CTNNA1: variants seen among roughly 807,000 people sequenced by gnomAD.
CTNNA1 encodes catenin alpha-1.
In CTNNA1, 37 loss-of-function variants were observed where a neutral mutation model predicts 98.4. That is an observed-to-expected ratio of 0.38 (90% confidence interval 0.29 to 0.49). The LOEUF is 0.49. Among genes scored for constraint, CTNNA1 ranks in the 20% least tolerant of loss-of-function variants. The pLI is 0.95. For synonymous variants in CTNNA1, 404 were observed against 413.2 expected (o/e 0.98, Z 0.27); for missense variants, 761 against 1,147.2 (o/e 0.66, Z 4.86).
chr5:138,900,011 T>G (rs77833914), intron 9 of CTNNA1, among the ~76,000 whole-genome samples: 2,475 of 152,282 alleles, frequency 0.016, 74 homozygotes, highest in African/African-American at 0.056. Context: ...CACCAACACC[T>G]TTCCCTGGAA....
chr5:138,932,200 T>A (rs533308438), intron 16 of CTNNA1: 17 of 1,023,790 alleles, frequency 1.7e-5, no homozygotes, highest in Non-Finnish European at 1.9e-5. Flanking sequence ...GGCTCCTGCT[T>A]GCTGAGCCGG....
At chr5:138,837,394 A>G (rs937675032) in intron 7 of CTNNA1, among the ~76,000 whole-genome samples, 4 of 151,154 alleles carry the variant, frequency 2.6e-5, no homozygotes, top group African/African-American at 9.7e-5. Context: ...ACACAGCCAT[A>G]CTCATTTAGT....
At chr5:138,762,339 G>T (rs556106111) in intron 1 of CTNNA1, among the ~76,000 whole-genome samples, 2 of 152,254 alleles carry the variant, frequency 1.3e-5, no homozygotes, top group East Asian at 3.9e-4. Flanking sequence ...GACTTGCCTT[G>T]TCTCATGCTG....
chr5:138,922,702 C>G lies in CTNNA1; in HGVS notation c.1547-1808C>G, dbSNP rs1371421347. ...GTTGAACAGTGGACTCGCACCTCCC[C>G]CCATCAGGTTCAGTTGTGGAGAGCA... is the stretch of plus-strand genomic sequence containing the variant. On this transcript the variant is annotated intron_variant, in intron 11 of 17. Transcript: ENST00000302763. Among the ~76,000 whole-genome samples the G allele has an allele frequency of 2.0e-5, 3 of 152,146 alleles. No individual in the cohort carries two copies. The East Asian group carries it at 5.8e-4, about 29-fold the overall frequency.
intron 10 of CTNNA1, among the ~76,000 whole-genome samples, chr5:138,914,106 C>G (rs1761247307): frequency 6.6e-6 from 1 of 152,170 alleles, no homozygotes; most frequent in Admixed American, 6.5e-5. Flanking sequence ...ATTTTGTAAT[C>G]AAAATGAGAA....
chr5:138,797,438 A>C (rs1363291974), intron 3 of CTNNA1, among the ~76,000 whole-genome samples: 1 of 152,158 alleles, frequency 6.6e-6, no homozygotes, highest in Non-Finnish European at 1.5e-5. Context: ...TATATCTGCT[A>C]TTTAAAGTGG....
chr5:138,818,524 A>T (rs1759686632), intron 5 of CTNNA1, among the ~76,000 whole-genome samples: 1 of 151,910 alleles, frequency 6.6e-6, no homozygotes, highest in South Asian at 2.1e-4. Context: ...TTTCCCTTGC[A>T]GTTGGATTTT....
intron 7 of CTNNA1, among the ~76,000 whole-genome samples, chr5:138,867,066 A>G (rs1158041578): frequency 6.6e-6 from 1 of 152,250 alleles, no homozygotes; most frequent in East Asian, 1.9e-4. Flanking sequence ...GATTTTCAAA[A>G]TTAAAATGTA....
intron 3 of CTNNA1, among the ~76,000 whole-genome samples, chr5:138,809,742 C>CTT (rs111367271): frequency 4.1e-5 from 6 of 148,034 alleles, no homozygotes; most frequent in African/African-American, 1.5e-4. Context: ...ATATAATGCC[C>CTT]TTTTTTTTTT....
chr5:138,863,808 T>C (rs1483939632), intron 7 of CTNNA1, among the ~76,000 whole-genome samples: 2 of 152,172 alleles, frequency 1.3e-5, no homozygotes, highest in Non-Finnish European at 2.9e-5. Flanking sequence ...TTTTTAAAGA[T>C]GGTTTGGTAA....
At chr5:138,802,532 T>C (rs1018505088) in intron 3 of CTNNA1, among the ~76,000 whole-genome samples, 9 of 152,228 alleles carry the variant, frequency 5.9e-5, no homozygotes, top group African/African-American at 1.9e-4. Flanking sequence ...TCTCCAAATA[T>C]GATGTTGGAA....
intron 3 of CTNNA1, among the ~76,000 whole-genome samples, chr5:138,792,746 G>A (rs1346667921): frequency 1.3e-5 from 2 of 152,182 alleles, no homozygotes; most frequent in Non-Finnish European, 2.9e-5. Flanking sequence ...TTGGAATGTT[G>A]AGTATGGATT....
At chr5:138,779,907 G>A (rs1256817734) in intron 1 of CTNNA1, among the ~76,000 whole-genome samples, 1 of 151,660 alleles carries the variant, frequency 6.6e-6, no homozygotes, top group Non-Finnish European at 1.5e-5. Flanking sequence ...ATAGAGACGG[G>A]GTTTCACTAT....
chr5:138,765,858 A>G (rs901580624), intron 1 of CTNNA1, among the ~76,000 whole-genome samples: 10 of 148,324 alleles, frequency 6.7e-5, no homozygotes, highest in African/African-American at 1.7e-4. Flanking sequence ...CTGAGGCAGG[A>G]GAATCATTTG....
Position 138,874,896 on chromosome 5 carries a change from G to GCA in CTNNA1, c.1063-11313_1063-11312dup. 1 of 1,612,254 alleles carries GCA rather than the reference G, an allele frequency of 6.2e-7. No homozygotes were observed. Among genetic ancestry groups the GCA allele is most frequent in the Non-Finnish European group, 8.5e-7 (1 of 1,178,772 alleles). On this transcript the variant is annotated intron_variant, in intron 7 of 17. Transcript: ENST00000302763. This position sits in a 1 kb window ranked among gnomAD's most constrained non-coding sequence, Gnocchi z 4.1. ...TGTTGAATGTACAAGACATATAAAT[G>GCA]CACAGACTTACCCATTCTTCTGAGC... is the stretch of plus-strand genomic sequence containing the variant.
chr5:138,836,578 A>G (rs1015355944), intron 7 of CTNNA1, among the ~76,000 whole-genome samples: 1 of 152,216 alleles, frequency 6.6e-6, no homozygotes, highest in African/African-American at 2.4e-5. Context: ...AATACCAGAA[A>G]GATGCATGTT....
chr5:138,873,187 G>A lies in CTNNA1; in HGVS notation c.1063-13025G>A, dbSNP rs1750853297. The A allele has an allele frequency of 1.2e-6, 2 of 1,613,974 alleles. No individual in the cohort carries two copies. The highest frequency in any genetic ancestry group is 1.7e-6 in the Non-Finnish European group (2 of 1,179,868). On this transcript the variant is annotated intron_variant, in intron 7 of 17. Coordinates refer to ENST00000302763, the MANE Select transcript of CTNNA1 (RefSeq NM_001903.5). This position sits in a 1 kb window ranked among gnomAD's most constrained non-coding sequence, Gnocchi z 6.1. ...GCTGCCTGTGGTTCTGAACCATTGA[G>A]CACTGCCTAATTCTTCTTAAAGTGG...
chr5:138,891,952 T>C (rs144128459), intron 9 of CTNNA1, among the ~76,000 whole-genome samples: 69 of 152,330 alleles, frequency 4.5e-4, no homozygotes, highest in African/African-American at 1.6e-3. Flanking sequence ...CATATGTGAT[T>C]GATTGCTTCC....
intron 7 of CTNNA1, among the ~76,000 whole-genome samples, chr5:138,847,232 A>G (rs1186099025): frequency 6.6e-6 from 1 of 152,206 alleles, no homozygotes; most frequent in African/African-American, 2.4e-5. Flanking sequence ...TTGTAGTTCA[A>G]CAGCATGGAT....
Sources: allele counts gnomAD v4.1 joint callset (sites outside exome capture counted in the v4.1 genomes callset), GRCh38; gene constraint gnomAD v4.1.1; non-coding constraint Gnocchi (gnomAD v3.1); transcripts MANE v1.5; gene names NCBI Gene and HGNC (gene_info 2026-07-23, HGNC 2026-07-21).